Variants in RBFOX1 observed in about 807,000 individuals in gnomAD.
The protein encoded by RBFOX1 is RNA binding protein fox-1 homolog 1.
Under a neutral mutation model 57.7 loss-of-function variants are expected in RBFOX1, and 8 were observed. The observed-to-expected ratio is 0.14, with a 90% CI of 0.08 to 0.25. RBFOX1 has a LOEUF of 0.25. Ranked by LOEUF, RBFOX1 falls within the 10% of genes least tolerant of loss-of-function variation. RBFOX1 has a pLI of 1.00. For missense variants in RBFOX1, 611 were observed against 548.5 expected (o/e 1.11, Z -1.14); for synonymous variants, 326 against 222.4 (o/e 1.47, Z -4.15).
At chr16:6,522,655 A>G (rs1204866041) in intron 2 of RBFOX1, among the ~76,000 whole-genome samples, 1 of 152,194 alleles carries the variant, frequency 6.6e-6, no homozygotes, top group East Asian at 1.9e-4. Context: ...CGGGGTTAAT[A>G]CTAATAACCA....
At chr16:5,243,278 C>G (rs901973480) in intron 1 of RBFOX1, among the ~76,000 whole-genome samples, 1 of 152,134 alleles carries the variant, frequency 6.6e-6, no homozygotes, top group Non-Finnish European at 1.5e-5. Flanking sequence ...TCAGGTGGAA[C>G]CGAGCATTCA....
chr16:6,674,110 G>C (rs1293697541), intron 3 of RBFOX1, among the ~76,000 whole-genome samples: 4 of 152,092 alleles, frequency 2.6e-5, no homozygotes, highest in Non-Finnish European at 5.9e-5. Flanking sequence ...ATTCAAATTG[G>C]CTTAAGCTAA....
At chr16:6,224,760 C>T (rs565902413) in intron 1 of RBFOX1, among the ~76,000 whole-genome samples, 1 of 152,120 alleles carries the variant, frequency 6.6e-6, no homozygotes, top group Admixed American at 6.6e-5. Flanking sequence ...GTGGCTCACG[C>T]CCATAATCCC....
intron 3 of RBFOX1, among the ~76,000 whole-genome samples, chr16:6,965,163 G>C (rs756542716): frequency 6.6e-6 from 1 of 152,152 alleles, no homozygotes; most frequent in Non-Finnish European, 1.5e-5. Flanking sequence ...TACTGCTGCA[G>C]ATTGCTGTGG....
intron 3 of RBFOX1, among the ~76,000 whole-genome samples, chr16:6,880,356 A>G (rs2062687840): frequency 6.6e-6 from 1 of 152,158 alleles, no homozygotes; most frequent in African/African-American, 2.4e-5. Flanking sequence ...CTTGGTTTTT[A>G]GTATTATACT....
intron 3 of RBFOX1, among the ~76,000 whole-genome samples, chr16:6,686,119 T>C (rs1280688904): frequency 6.6e-6 from 1 of 152,176 alleles, no homozygotes; most frequent in Non-Finnish European, 1.5e-5. Flanking sequence ...GCAGCAGCAG[T>C]GGGGACTATC....
intron 4 of RBFOX1, among the ~76,000 whole-genome samples, chr16:7,495,632 C>A (rs2068378172): frequency 6.6e-6 from 1 of 152,144 alleles, no homozygotes; most frequent in Non-Finnish European, 1.5e-5. Flanking sequence ...TGAGAAATGT[C>A]TGTTTGTGAC....
At chr16:6,449,296 A>C (rs111460647) in intron 2 of RBFOX1, among the ~76,000 whole-genome samples, 4,361 of 152,318 alleles carry the variant, frequency 0.029, 102 homozygotes, top group Middle Eastern at 0.075. Flanking sequence ...CTCGTTTCTC[A>C]TGTCTACCCT....
At chr16:6,239,459 A>C (rs75171686) in intron 1 of RBFOX1, among the ~76,000 whole-genome samples, 84 of 149,756 alleles carry the variant, frequency 5.6e-4, no homozygotes, top group African/African-American at 2.0e-3. Flanking sequence ...ACCTGTTAAG[A>C]ATAACTTATT....
chr16:7,710,092 C>T lies in RBFOX1; in HGVS notation c.1072-531C>T, dbSNP rs1205904004. 4.0e-6 allele frequency: 4 copies of T among 1,001,660 alleles called. No individual in the cohort carries two copies. In the East Asian group the frequency reaches 4.5e-4, roughly 112 times the overall value. The allele number at this position is 1,001,660 out of a possible 1,614,324, so 62.0% of individuals were successfully genotyped here. The stretch of plus-strand genomic sequence containing the variant: ...GCCATGATTTGGAAGCATTGTTTTG[C>T]ACAAGCTTAATTACATCAAGCAATT... On this transcript the variant is annotated intron_variant, in intron 15 of 15. Transcript: ENST00000550418.
chr16:7,057,241 A>G (rs939304775), intron 4 of RBFOX1, among the ~76,000 whole-genome samples: 20 of 152,306 alleles, frequency 1.3e-4, no homozygotes, highest in Admixed American at 3.9e-4. Flanking sequence ...TATTTAGGAG[A>G]TAACTCCCTC....
intron 2 of RBFOX1, among the ~76,000 whole-genome samples, chr16:6,513,928 G>A (rs999338730): frequency 2.0e-5 from 3 of 152,212 alleles, no homozygotes; most frequent in South Asian, 2.1e-4. Context: ...AGTGGAAAAC[G>A]GGCTGATGGG....
chr16:5,868,380 A>G (rs1468997211), intron 4 of RBFOX1, among the ~76,000 whole-genome samples: 1 of 152,148 alleles, frequency 6.6e-6, no homozygotes, highest in Non-Finnish European at 1.5e-5. Flanking sequence ...AGAAATTGCA[A>G]CCTCAGGCAT....
At chr16:6,004,822 G>A (rs928109518) in intron 4 of RBFOX1, among the ~76,000 whole-genome samples, 1 of 152,128 alleles carries the variant, frequency 6.6e-6, no homozygotes, top group South Asian at 2.1e-4. Flanking sequence ...TCTGACATTT[G>A]AATGTCCTTT....
At chr16:6,434,633 C>G (rs1042897125) in intron 2 of RBFOX1, among the ~76,000 whole-genome samples, 12 of 152,220 alleles carry the variant, frequency 7.9e-5, no homozygotes, top group Admixed American at 2.6e-4. Flanking sequence ...TGCTTCCAAG[C>G]TGACTATGGG....
intron 3 of RBFOX1, among the ~76,000 whole-genome samples, chr16:6,878,313 A>G (rs1243118977): frequency 6.6e-6 from 1 of 152,182 alleles, no homozygotes; most frequent in Non-Finnish European, 1.5e-5. Context: ...TATAAATGAA[A>G]GTGACAGGTG....
At chr16:7,054,527 C>A (rs1226166153) in intron 4 of RBFOX1, among the ~76,000 whole-genome samples, 1 of 125,242 alleles carries the variant, frequency 8.0e-6, no homozygotes, top group African/African-American at 2.7e-5. Flanking sequence ...AGGTGTGAGC[C>A]ACTGCGCCAA....
At chr16:6,952,127 C>T (rs1191658650) in intron 3 of RBFOX1, among the ~76,000 whole-genome samples, 1 of 152,118 alleles carries the variant, frequency 6.6e-6, no homozygotes, top group Non-Finnish European at 1.5e-5. Flanking sequence ...AATATTTCCC[C>T]ACAAGTGCTT....
chr16:6,637,430 T>TATAATA (rs1555636558), intron 2 of RBFOX1, among the ~76,000 whole-genome samples: 1 of 23,494 alleles, frequency 4.3e-5, no homozygotes, highest in Non-Finnish European at 8.1e-5. Context: ...TATAAATATA[T>TATAATA]TATATAAATA....
Sources: allele counts gnomAD v4.1 joint callset (sites outside exome capture counted in the v4.1 genomes callset), GRCh38; gene constraint gnomAD v4.1.1; transcripts MANE v1.5; gene names NCBI Gene and HGNC (gene_info 2026-07-23, HGNC 2026-07-21).